SLC1A1: variants seen among roughly 807,000 people sequenced by gnomAD.
SLC1A1 encodes solute carrier family 1 member 1.
A neutral mutation model predicts 53.3 loss-of-function variants in SLC1A1; 43 were observed. The ratio of observed to expected loss-of-function variants is 0.81; its 90% CI spans 0.63 to 1.04. SLC1A1 has a LOEUF of 1.04. Ranked by LOEUF, SLC1A1 falls within the 50% of genes least tolerant of loss-of-function variation. The pLI is 0.00. For synonymous variants in SLC1A1, 307 were observed against 243.2 expected (o/e 1.26, Z -2.44); for missense variants, 748 against 664.9 (o/e 1.12, Z -1.37).
At chr9:4,514,371 G>A (rs1425085847) in intron 1 of SLC1A1, among the ~76,000 whole-genome samples, 1 of 152,112 alleles carries the variant, frequency 6.6e-6, no homozygotes, top group African/African-American at 2.4e-5. Context: ...GAGGATATCT[G>A]ACCTAATTGT....
chr9:4,504,527 G>A (rs887255327), intron 1 of SLC1A1, among the ~76,000 whole-genome samples: 2 of 152,176 alleles, frequency 1.3e-5, no homozygotes, highest in African/African-American at 2.4e-5. Context: ...TGTCAACCAG[G>A]AGATGTAACA....
intron 1 of SLC1A1, among the ~76,000 whole-genome samples, chr9:4,510,230 C>T (rs1462528140): frequency 6.6e-6 from 1 of 152,146 alleles, no homozygotes; most frequent in Non-Finnish European, 1.5e-5. Context: ...AGCTATATAC[C>T]AGCAGGACCA....
chr9:4,545,205 C>CTCTCTCTCTCTG (rs1378587730), intron 2 of SLC1A1, among the ~76,000 whole-genome samples: 1 of 151,542 alleles, frequency 6.6e-6, no homozygotes, highest in Non-Finnish European at 1.5e-5. Flanking sequence ...CTCTCTCTCT[C>CTCTCTCTCTCTG]TCTCTCTCTC....
At chr9:4,514,201 CACAT>C (rs1396302310) in intron 1 of SLC1A1, among the ~76,000 whole-genome samples, 2 of 152,206 alleles carry the variant, frequency 1.3e-5, no homozygotes, top group East Asian at 1.9e-4. Flanking sequence ...CATGTACACA[CACAT>C]ACAAACATGC....
chr9:4,517,330 T>C (rs1418168832), intron 1 of SLC1A1, among the ~76,000 whole-genome samples: 1 of 152,200 alleles, frequency 6.6e-6, no homozygotes, highest in East Asian at 1.9e-4. Context: ...GGGGTGGCCG[T>C]TCCTATAGAC....
Position 4,549,335 on chromosome 9 carries a change from T to C in SLC1A1, c.232+4628T>C, listed in dbSNP as rs1181328594. ...ACCCCGGTGACCTAAGGAGTTCCGCTCTTTGCTCCTCCATCCTAAGACAGG... is the reference window on the plus strand; with the variant it reads ...ACCCCGGTGACCTAAGGAGTTCCGCCCTTTGCTCCTCCATCCTAAGACAGG... On this transcript the variant is annotated intron_variant, in intron 2 of 11. Transcript: ENST00000262352. This position sits in a 1 kb window ranked among gnomAD's most constrained non-coding sequence, Gnocchi z 4.1. Among the ~76,000 whole-genome samples the C allele has an allele frequency of 6.6e-6, 1 of 152,100 alleles. No homozygotes were observed. The highest frequency in any genetic ancestry group is 1.9e-4 in the East Asian group (1 of 5,202).
intron 1 of SLC1A1, among the ~76,000 whole-genome samples, chr9:4,526,412 T>C (rs1350165951): frequency 1.3e-5 from 2 of 152,128 alleles, no homozygotes; most frequent in African/African-American, 4.8e-5. Flanking sequence ...ACTGATACCA[T>C]GTGAGTTAGA....
intron 1 of SLC1A1, among the ~76,000 whole-genome samples, chr9:4,510,524 T>C (rs570708969): frequency 5.9e-5 from 9 of 152,308 alleles, no homozygotes; most frequent in East Asian, 3.9e-4. Flanking sequence ...CTAGAAACAG[T>C]ACCTGGCTTC....
chr9:4,519,148 G>T (rs545777491), intron 1 of SLC1A1, among the ~76,000 whole-genome samples: 2 of 152,336 alleles, frequency 1.3e-5, no homozygotes, highest in South Asian at 2.1e-4. Flanking sequence ...TTGCTCTAAA[G>T]AGAAGTTTCT....
chr9:4,568,018 C>G (rs1819651255), intron 6 of SLC1A1, among the ~76,000 whole-genome samples: 1 of 152,160 alleles, frequency 6.6e-6, no homozygotes, highest in Non-Finnish European at 1.5e-5. Context: ...AGGCTGTGCT[C>G]TGCTTTCTTG....
intron 7 of SLC1A1, 110 bp from the exon 8 acceptor site, chr9:4,573,797 G>T: frequency 1.3e-6 from 1 of 785,986 alleles, no homozygotes; most frequent in South Asian, 1.4e-5. Flanking sequence ...GCTCCACCAA[G>T]TGTGCATGCC....
At chr9:4,539,994 C>T (rs1365488476) in intron 1 of SLC1A1, among the ~76,000 whole-genome samples, 7 of 152,164 alleles carry the variant, frequency 4.6e-5, no homozygotes, top group African/African-American at 1.7e-4. Context: ...GACCCATGGC[C>T]CAAAGTGAGA....
intron 5 of SLC1A1, among the ~76,000 whole-genome samples, chr9:4,566,404 T>C (rs1383161225): frequency 1.3e-5 from 2 of 152,266 alleles, no homozygotes; most frequent in African/African-American, 4.8e-5. Context: ...GTACCTATTT[T>C]TGGAGAACCA....
chr9:4,497,540 T>C (rs1820476542), intron 1 of SLC1A1, among the ~76,000 whole-genome samples: 1 of 152,206 alleles, frequency 6.6e-6, no homozygotes, highest in South Asian at 2.1e-4. Context: ...TAAAATGTTG[T>C]CCTTGTTTGT....
intron 1 of SLC1A1, among the ~76,000 whole-genome samples, chr9:4,504,729 A>C (rs1218263716): frequency 1.3e-5 from 2 of 152,310 alleles, no homozygotes; most frequent in East Asian, 3.9e-4. Flanking sequence ...CAGTGCTCTT[A>C]CTGGTTTTTA....
intron 7 of SLC1A1, 87 bp downstream of exon 7, chr9:4,572,475 A>G: frequency 8.3e-7 from 1 of 1,205,642 alleles, no homozygotes; most frequent in Admixed American, 1.7e-5. Context: ...ATGTTTGTCA[A>G]CTGATGAAGC....
At chr9:4,528,429 A>G (rs1416523602) in intron 1 of SLC1A1, among the ~76,000 whole-genome samples, 1 of 152,102 alleles carries the variant, frequency 6.6e-6, no homozygotes, top group Non-Finnish European at 1.5e-5. Flanking sequence ...AAACAAAATT[A>G]GCTGGGCATG....
chr9:4,533,041 C>T (rs1816535269), intron 1 of SLC1A1, among the ~76,000 whole-genome samples: 1 of 152,140 alleles, frequency 6.6e-6, no homozygotes, highest in African/African-American at 2.4e-5. Flanking sequence ...CTAGGCCTGC[C>T]TTACAAGAGC....
chr9:4,506,377 T>C (rs1820810077), intron 1 of SLC1A1, among the ~76,000 whole-genome samples: 1 of 152,254 alleles, frequency 6.6e-6, no homozygotes, highest in Non-Finnish European at 1.5e-5. Flanking sequence ...AGATGACTTT[T>C]GTTATTAAGT....
Sources: gnomAD v4.1 joint callset for allele counts (sites outside exome capture counted in the v4.1 genomes callset) on GRCh38, gnomAD v4.1.1 for gene constraint, Gnocchi (gnomAD v3.1) non-coding constraint, MANE v1.5 for transcripts, NCBI Gene and HGNC (gene_info 2026-07-23, HGNC 2026-07-21) for gene names.